Variants in GLYCTK observed in about 807,000 individuals in gnomAD.
GLYCTK encodes the protein HBeAg binding protein 4.
GLYCTK carries 22 observed loss-of-function variants against 24.8 expected under a neutral mutation model. The ratio of observed to expected loss-of-function variants is 0.89; its 90% CI spans 0.63 to 1.27. GLYCTK has a LOEUF of 1.27. Among genes scored for constraint, GLYCTK ranks in the 50% most tolerant of loss-of-function variants. GLYCTK has a pLI of 0.00. For missense variants in GLYCTK, 684 were observed against 686.7 expected, an observed-to-expected ratio of 1.00 and a Z score of 0.04; for synonymous variants, 320 against 297.2, an observed-to-expected ratio of 1.08 and a Z score of -0.79.
At position 52,293,912 on chromosome 3, in the gene GLYCTK, G is replaced by A; in HGVS notation, c.*786G>A. 1 of 453,994 alleles carries A rather than the reference G, an allele frequency of 2.2e-6. No homozygotes were observed. The highest frequency in any genetic ancestry group is 1.6e-5 in the South Asian group (1 of 64,470). The allele number at this position is 453,994 out of a possible 1,614,324, so 28.1% of individuals were successfully genotyped here. A position where few individuals can be genotyped will look rare whatever the true frequency, so the allele number is the denominator to read the frequency against. ...GAAGTTTGTCCCACCCCCCAGTGCTGTTTCCTTGTGACAGCCCTTGTCCTA... is the reference window on the plus strand; with the variant it reads ...GAAGTTTGTCCCACCCCCCAGTGCTATTTCCTTGTGACAGCCCTTGTCCTA... On this transcript the variant is annotated 3_prime_UTR_variant, in exon 5 of 5. Coordinates refer to ENST00000436784, the MANE Select transcript of GLYCTK (RefSeq NM_145262.4).
intron 1 of GLYCTK, 155 bp from the exon 2 acceptor site, chr3:52,290,149 C>G (rs3796342): frequency 1.6e-6 from 1 of 632,832 alleles, no homozygotes; most frequent in African/African-American, 1.8e-5. Flanking sequence ...GATCCTGCAG[C>G]TGCAGGCTTC....
intron 1 of GLYCTK, chr3:52,289,344 A>C (rs905539390): frequency 6.6e-6 from 1 of 152,190 alleles, no homozygotes; most frequent in African/African-American, 2.4e-5. Context: ...AGGCTTCTTT[A>C]GCTTTTACTC....
rs1051559131 is a variant in GLYCTK, at chr3:52,293,254, G to C, written c.*128G>C. The C allele has an allele frequency of 1.1e-6, 1 of 947,504 alleles. No homozygotes were observed. 58.7% of individuals were successfully genotyped at this position (947,504 alleles called of 1,614,324 possible). On this transcript the variant is annotated 3_prime_UTR_variant, in exon 5 of 5. Transcript: ENST00000436784. ...TCCTCTCCTTGGCCTTGGCTGTTTG[G>C]TTAACTGTCACCTTCCACTCAGGGC... is the stretch of plus-strand genomic sequence containing the variant.
chr3:52,291,113 T>C lies in GLYCTK; in HGVS notation c.529+2T>C. 6.2e-7 allele frequency: 1 copy of C among 1,609,592 alleles called. No individual in the cohort carries two copies. The highest frequency in any genetic ancestry group is 1.1e-5 in the South Asian group (1 of 91,072). ...ACCTGCTGCTCGTGCTGATCTCAGG[T>C]GTGGTACCACATTGGCCCAAGACTG... On this transcript the variant is annotated splice_donor_variant, in intron 3 of 4. Coordinates refer to ENST00000436784, the MANE Select transcript of GLYCTK (RefSeq NM_145262.4). LOFTEE classifies it high-confidence loss of function.
intron 3 of GLYCTK, 118 bp from the exon 4 acceptor site, chr3:52,291,629 G>T: frequency 1.1e-6 from 1 of 935,574 alleles, no homozygotes. Context: ...ATCCACAGGG[G>T]GGCACCCTAA....
Position 52,292,671 on chromosome 3 carries a change from C to A in GLYCTK, c.1117C>A (p.Gln373Lys). 6.2e-7 allele frequency: 1 copy of A among 1,606,558 alleles called. No individual in the cohort carries two copies. The highest frequency in any genetic ancestry group is 8.5e-7 in the Non-Finnish European group (1 of 1,174,830). ...MAGASVEEDA[Q>K]LHELAAELQI... ...TGGGGCTTCTGTGGAGGAAGATGCA[C>A]AGCTCCATGAGCTGGCAGCTGAGCT... Residue 373 changes from glutamine (Q) to lysine (K), a missense_variant, in exon 5 of 5, where the codon CAG (glutamine) becomes AAG (lysine). Gln to Lys is a moderately conservative substitution (Grantham distance 53, BLOSUM62 1). Coordinates refer to ENST00000436784, the MANE Select transcript of GLYCTK (RefSeq NM_145262.4).
rs1283679008 is a variant in GLYCTK at position 52,294,500 on chromosome 3, T to C, written c.*1374T>C. On this transcript the variant is annotated 3_prime_UTR_variant, in exon 5 of 5. Coordinates refer to ENST00000436784, the MANE Select transcript of GLYCTK (RefSeq NM_145262.4). ...TGGCTCACACAGGGCAGGCTGGAGATTGGGAGGGAGGTAAACGTGGTAAGC... is the reference window on the plus strand; with the variant it reads ...TGGCTCACACAGGGCAGGCTGGAGACTGGGAGGGAGGTAAACGTGGTAAGC... 1.0e-5 allele frequency: 4 copies of C among 386,482 alleles called. No homozygotes were observed. Among genetic ancestry groups the C allele is most frequent in the Non-Finnish European group, 2.1e-5 (4 of 194,672 alleles). The allele number at this position is 386,482 out of a possible 1,614,324, so 23.9% of individuals were successfully genotyped here. A position where few individuals can be genotyped will look rare whatever the true frequency, so the allele number is the denominator to read the frequency against.
rs1700484389 is a variant in GLYCTK at position 52,291,999 on chromosome 3, A to G, written c.705+77A>G. ...CATGTGCCAGGGATGTGAAAGCTAG[A>G]ACAGCATATAGATTGGCAGGGGCAT... On this transcript the variant is annotated intron_variant, in intron 4 of 4. Coordinates refer to ENST00000436784, the MANE Select transcript of GLYCTK (RefSeq NM_145262.4). The G allele has an allele frequency of 2.8e-6, 4 of 1,425,716 alleles. No homozygotes were observed. In the Admixed American group the frequency reaches 5.2e-5, roughly 18 times the overall value. 88.3% of individuals were successfully genotyped at this position (1,425,716 alleles called of 1,614,324 possible).
At chr3:52,289,920 G>A (rs142051686) in intron 1 of GLYCTK, among the ~76,000 whole-genome samples, 2 of 152,350 alleles carry the variant, frequency 1.3e-5, no homozygotes, top group East Asian at 1.9e-4. Flanking sequence ...GGGTAACAGC[G>A]CAGAAGTGCA....
chr3:52,292,650 G>C lies in GLYCTK; in HGVS notation c.1096G>C (p.Ala366Pro), dbSNP rs1353066787. The C allele has an allele frequency of 6.2e-7, 1 of 1,606,958 alleles. No individual in the cohort carries two copies. Among genetic ancestry groups the C allele is most frequent in the Non-Finnish European group, 8.5e-7 (1 of 1,174,840 alleles). ...RTRLTPSMAG[A>P]SVEEDAQLHE... ...CCGCCTCACCCCATCCATGGCTGGG[G>C]CTTCTGTGGAGGAAGATGCACAGCT... The change falls in exon 5 of 5, where the codon GCT (alanine) becomes CCT (proline). Residue 366 changes from alanine to proline, a missense_variant. Transcript: ENST00000436784.
Position 52,293,264 on chromosome 3 carries a change from A to T in GLYCTK, c.*138A>T. 1.2e-6 allele frequency: 1 copy of T among 854,642 alleles called. No individual in the cohort carries two copies. Among genetic ancestry groups the T allele is most frequent in the Non-Finnish European group, 1.9e-6 (1 of 523,312 alleles). The allele number at this position is 854,642 out of a possible 1,614,324, so 52.9% of individuals were successfully genotyped here. ...GGCCTTGGCTGTTTGGTTAACTGTC[A>T]CCTTCCACTCAGGGCCTCTGCTCTA... On this transcript the variant is annotated 3_prime_UTR_variant, in exon 5 of 5. Coordinates refer to ENST00000436784, the MANE Select transcript of GLYCTK (RefSeq NM_145262.4).
rs1700467515 is a variant in GLYCTK at position 52,291,486 on chromosome 3, G to T, written c.530-261G>T. 3 of 583,544 alleles carry T rather than the reference G, an allele frequency of 5.1e-6. No individual in the cohort carries two copies. The South Asian group carries it at 6.2e-5, about 12-fold the overall frequency. The allele number at this position is 583,544 out of a possible 1,614,324, so 36.1% of individuals were successfully genotyped here. ...TCCTCTCCTTGATCTTCCATTGTGT[G>T]CCCCCTGCCCTGCCTCCTGTTCTAG... On this transcript the variant is annotated intron_variant, in intron 3 of 4. Transcript: ENST00000436784.
intron 1 of GLYCTK, chr3:52,288,993 A>G (rs940900725): frequency 6.6e-6 from 1 of 152,174 alleles, no homozygotes; most frequent in Admixed American, 6.6e-5. Context: ...GTGTGGGGTA[A>G]ACCGGTGTTT....
In GLYCTK at chr3:52,292,262, G is replaced by T. The variant is rs1700493630; in HGVS notation, c.708G>T (p.Val236=). 1 of 1,613,776 alleles carries T rather than the reference G, an allele frequency of 6.2e-7. No homozygotes were observed. Residue 236 remains valine, a splice_region_variant and synonymous_variant, in exon 5 of 5, where the codon GTG becomes GTT. Coordinates refer to ENST00000436784, the MANE Select transcript of GLYCTK (RefSeq NM_145262.4). ...CTTGTCTGGTGGCCCTTCCCCAGGT[G>T]GTGAGCCTCATCCTGTCAGATGTGG... ...GLAQAAYPAQ[V]VSLILSDVVG...
intron 1 of GLYCTK, chr3:52,289,116 G>A (rs553434273): frequency 1.1e-4 from 16 of 152,030 alleles, no homozygotes; most frequent in African/African-American, 3.4e-4. Context: ...TGAGAGAAAT[G>A]GAGGTGTCCC....
In GLYCTK at chr3:52,292,627, G is replaced by T; in HGVS notation, c.1073G>T (p.Arg358Leu). The T allele has an allele frequency of 6.2e-7, 1 of 1,610,652 alleles. No individual in the cohort carries two copies. Among genetic ancestry groups the T allele is most frequent in the African/African-American group, 1.3e-5 (1 of 75,010 alleles). ...YGLLAHVART[R>L]LTPSMAGASV... ...CTGCTGGCCCATGTGGCTAGAACCC[G>T]CCTCACCCCATCCATGGCTGGGGCT... Residue 358 changes from arginine to leucine, a missense_variant, in exon 5 of 5, where the codon CGC (arginine) becomes CTC (leucine). Coordinates refer to ENST00000436784, the MANE Select transcript of GLYCTK (RefSeq NM_145262.4).
chr3:52,289,469 C>G (rs73835774), intron 1 of GLYCTK, among the ~76,000 whole-genome samples: 1,841 of 152,272 alleles, frequency 0.012, 45 homozygotes, highest in African/African-American at 0.042. Flanking sequence ...TTTTTGTTAT[C>G]TTGGAACCAG....
rs2153220914 is a variant in GLYCTK at position 52,291,117 on chromosome 3, G to C, written c.529+6G>C. The C allele has an allele frequency of 1.9e-6, 3 of 1,608,760 alleles. No homozygotes were observed. Among genetic ancestry groups the C allele is most frequent in the Admixed American group, 3.3e-5 (2 of 60,002 alleles). On this transcript the variant is annotated splice_donor_region_variant and intron_variant, in intron 3 of 4. Coordinates refer to ENST00000436784, the MANE Select transcript of GLYCTK (RefSeq NM_145262.4). ...GCTGCTCGTGCTGATCTCAGGTGTG[G>C]TACCACATTGGCCCAAGACTGTTGG... is the stretch of plus-strand genomic sequence containing the variant.
In GLYCTK at chr3:52,293,400, C is replaced by A. The variant is rs757101092; in HGVS notation, c.*274C>A. On this transcript the variant is annotated 3_prime_UTR_variant, in exon 5 of 5. Transcript: ENST00000436784. Reference sequence around the variant, plus strand: ...TTCCCGTGCTTCTCCCTTGGGCAGCCTCTCTCTTGAGCCCCTCACCCTGTT... The same window carrying A: ...TTCCCGTGCTTCTCCCTTGGGCAGCATCTCTCTTGAGCCCCTCACCCTGTT... 1.0e-4 allele frequency: 67 copies of A among 667,184 alleles called. 2 individuals carry two copies. Among genetic ancestry groups the A allele is most frequent in the South Asian group, 8.9e-4 (59 of 66,498 alleles). The allele number at this position is 667,184 out of a possible 1,614,324, so 41.3% of individuals were successfully genotyped here.
Sources: gnomAD v4.1 joint callset for allele counts (sites outside exome capture counted in the v4.1 genomes callset) on GRCh38, gnomAD v4.1.1 for gene constraint, MANE v1.5 for transcripts, NCBI Gene and HGNC (gene_info 2026-07-23, HGNC 2026-07-21) for gene names.